Variants in TMEM131 observed in about 807,000 individuals in gnomAD.
The protein encoded by TMEM131 is 2610524E03Rik.
In TMEM131, 66 loss-of-function variants were observed where a neutral mutation model predicts 211.6. The observed-to-expected ratio is 0.31, with a 90% CI of 0.26 to 0.38. The LOEUF (loss-of-function observed/expected upper bound fraction) is 0.38, where lower values mean the gene tolerates loss of function less well. Ranked by LOEUF, TMEM131 falls within the 10% of genes least tolerant of loss-of-function variation. TMEM131 has a pLI of 1.00. For missense variants in TMEM131, 2,036 were observed against 2,299.3 expected (o/e 0.89, Z 2.34); for synonymous variants, 844 against 841.3 (o/e 1.00, Z -0.06).
chr2:97,858,281 A>T (rs1673927971), intron 5 of TMEM131, among the ~76,000 whole-genome samples: 1 of 152,198 alleles, frequency 6.6e-6, no homozygotes, highest in Admixed American at 6.5e-5. Flanking sequence ...CTTCCCTCTG[A>T]TCTTTGTTAT....
At chr2:97,879,433 T>TA (rs2104188218) in intron 4 of TMEM131, among the ~76,000 whole-genome samples, 1 of 152,336 alleles carries the variant, frequency 6.6e-6, no homozygotes, top group Non-Finnish European at 1.5e-5. Context: ...TTCTGTCACT[T>TA]ACAACCAAAT....
At position 97,815,238 on chromosome 2, in the gene TMEM131, G is replaced by T; in HGVS notation, c.1253C>A (p.Ser418Tyr). The change falls in exon 13 of 41, where the codon TCT becomes TAT. Residue 418 changes from serine to tyrosine, a missense_variant. By Grantham distance (144) the Ser-to-Tyr change is moderately radical (BLOSUM62 -2). Transcript: ENST00000186436. ...TGCTTGATATGGTATTTCAAGTTTA[G>T]AATAACTCTTTTCCTTTGCTTTAAC... Reference protein sequence around the residue: ...ITVKAKEKSYSKLEIPYQAEV... With the variant: ...ITVKAKEKSYYKLEIPYQAEV... 6.4e-7 allele frequency: 1 copy of T among 1,570,906 alleles called. No individual in the cohort carries two copies. Among genetic ancestry groups the T allele is most frequent in the South Asian group, 1.2e-5 (1 of 81,700 alleles).
chr2:97,949,689 G>T (rs547866920), intron 1 of TMEM131, among the ~76,000 whole-genome samples: 1 of 151,392 alleles, frequency 6.6e-6, no homozygotes, highest in Non-Finnish European at 1.5e-5. Flanking sequence ...GCGTGGTGGC[G>T]GGCACCTGTA....
chr2:97,993,525 T>C (rs951866065), intron 1 of TMEM131, among the ~76,000 whole-genome samples: 5 of 152,246 alleles, frequency 3.3e-5, no homozygotes, highest in Non-Finnish European at 5.9e-5. Context: ...TAGAACCAGA[T>C]CTGTTTATGA....
At chr2:97,759,196 GGAA>G (rs1678677361) in intron 39 of TMEM131, 143 bp from the exon 40 acceptor site, 1 of 998,984 alleles carries the variant, frequency 1.0e-6, no homozygotes, top group Non-Finnish European at 1.5e-6. Flanking sequence ...ACAGCCCAGA[GGAA>G]GTAGGGGCAG....
intron 19 of TMEM131, among the ~76,000 whole-genome samples, chr2:97,807,128 G>GTA (rs760271905): frequency 3.3e-5 from 5 of 152,176 alleles, no homozygotes; most frequent in Non-Finnish European, 5.9e-5. Context: ...GTAAGCTCTA[G>GTA]TATTCTCCAT....
intron 31 of TMEM131, 147 bp from the exon 32 acceptor site, chr2:97,776,165 T>G: frequency 2.7e-6 from 2 of 753,212 alleles, no homozygotes; most frequent in Non-Finnish European, 4.1e-6. Flanking sequence ...ACCATTCTCC[T>G]GCCTCAGCCT....
intron 1 of TMEM131, among the ~76,000 whole-genome samples, chr2:97,977,903 T>G (rs796369034): frequency 1.3e-5 from 2 of 151,862 alleles, no homozygotes; most frequent in South Asian, 2.1e-4. Flanking sequence ...CTGGCCAACA[T>G]AGTGAAACCC....
At chr2:97,868,249 T>C (rs1238576322) in intron 4 of TMEM131, among the ~76,000 whole-genome samples, 1 of 152,222 alleles carries the variant, frequency 6.6e-6, no homozygotes, top group Non-Finnish European at 1.5e-5. Flanking sequence ...TTTTGGTTAG[T>C]GTTTACATGG....
At chr2:97,952,278 G>A (rs755458224) in intron 1 of TMEM131, among the ~76,000 whole-genome samples, 1 of 152,098 alleles carries the variant, frequency 6.6e-6, no homozygotes, top group Non-Finnish European at 1.5e-5. Context: ...ATTAGGAGAG[G>A]AGAAAAAATG....
At chr2:97,934,929 GAGA>G (rs1677379186) in intron 1 of TMEM131, among the ~76,000 whole-genome samples, 1 of 152,092 alleles carries the variant, frequency 6.6e-6, no homozygotes, top group African/African-American at 2.4e-5. Context: ...AAAAAGGATA[GAGA>G]AGATCTTCAG....
chr2:97,927,706 G>A (rs966595856), intron 1 of TMEM131, among the ~76,000 whole-genome samples: 5 of 151,994 alleles, frequency 3.3e-5, no homozygotes, highest in African/African-American at 9.7e-5. Flanking sequence ...CAACCTACAG[G>A]CTATATGCAT....
intron 2 of TMEM131, among the ~76,000 whole-genome samples, chr2:97,923,193 C>T (rs893539470): frequency 6.6e-6 from 1 of 152,164 alleles, no homozygotes; most frequent in Non-Finnish European, 1.5e-5. Flanking sequence ...GGCAAGAGAA[C>T]TGCTGGAACC....
intron 2 of TMEM131, among the ~76,000 whole-genome samples, chr2:97,922,062 A>ATTTTTCCATGGATGGGGGG (rs1676763184): frequency 6.6e-6 from 1 of 152,132 alleles, no homozygotes; most frequent in Non-Finnish European, 1.5e-5. Flanking sequence ...ATGGAAGACA[A>ATTTTTCCATGGATGGGGGG]TTTTTCCATG....
intron 2 of TMEM131, among the ~76,000 whole-genome samples, chr2:97,923,113 ACT>A (rs1676814725): frequency 6.6e-6 from 1 of 151,872 alleles, no homozygotes. Flanking sequence ...ACATGGTGAA[ACT>A]CTGTCTCTAC....
chr2:97,933,217 A>C (rs1677306513), intron 1 of TMEM131, among the ~76,000 whole-genome samples: 1 of 152,188 alleles, frequency 6.6e-6, no homozygotes, highest in Non-Finnish European at 1.5e-5. Context: ...AAAGTCTCCA[A>C]ACAGAAACAC....
At chr2:97,874,092 G>T (rs1162046218) in intron 4 of TMEM131, among the ~76,000 whole-genome samples, 1 of 152,186 alleles carries the variant, frequency 6.6e-6, no homozygotes, top group East Asian at 1.9e-4. Context: ...AGTTTCAACA[G>T]CCGAATTGGT....
chr2:97,859,060 G>A (rs1469774590), intron 5 of TMEM131, among the ~76,000 whole-genome samples: 1 of 152,180 alleles, frequency 6.6e-6, no homozygotes. Context: ...AAAATGTACT[G>A]AATGTAAGAA....
intron 31 of TMEM131, among the ~76,000 whole-genome samples, chr2:97,783,664 T>C (rs1041688830): frequency 6.0e-5 from 9 of 151,128 alleles, no homozygotes; most frequent in African/African-American, 1.5e-4. Context: ...AACAGAATTC[T>C]AAAAAATATA....
Sources: gnomAD v4.1 joint callset for allele counts (sites outside exome capture counted in the v4.1 genomes callset) on GRCh38, gnomAD v4.1.1 for gene constraint, MANE v1.5 for transcripts, NCBI Gene and HGNC (gene_info 2026-07-23, HGNC 2026-07-21) for gene names.